Variants in DAB1 observed in about 807,000 individuals in gnomAD.
DAB1 encodes the protein disabled homolog 1.
DAB1 carries 15 observed loss-of-function variants against 64.6 expected under a neutral mutation model. The ratio of observed to expected loss-of-function variants is 0.23; its 90% CI spans 0.16 to 0.36. DAB1 has a LOEUF of 0.36. Ranked by LOEUF, DAB1 falls within the 10% of genes least tolerant of loss-of-function variation. The pLI, the probability that DAB1 is intolerant of heterozygous loss-of-function variation, is 1.00. For missense variants in DAB1, 596 were observed against 706.7 expected, an observed-to-expected ratio of 0.84 and a Z score of 1.78; for synonymous variants, 235 against 251.9, an observed-to-expected ratio of 0.93 and a Z score of 0.64.
intron 3 of DAB1, among the ~76,000 whole-genome samples, chr1:58,469,851 G>A (rs1645336772): frequency 6.6e-6 from 1 of 152,098 alleles, no homozygotes; most frequent in Non-Finnish European, 1.5e-5. Context: ...TGAGGTAGGA[G>A]GAAGGGAGGA....
chr1:58,234,929 T>A (rs1252473427), intron 4 of DAB1, among the ~76,000 whole-genome samples: 1 of 152,184 alleles, frequency 6.6e-6, no homozygotes, highest in Non-Finnish European at 1.5e-5. Context: ...GAAAGACAGG[T>A]ATTTATCTGG....
intron 4 of DAB1, among the ~76,000 whole-genome samples, chr1:58,295,560 A>G (rs1661949423): frequency 6.6e-6 from 1 of 152,148 alleles, no homozygotes; most frequent in Non-Finnish European, 1.5e-5. Flanking sequence ...AGCTCAAGCC[A>G]TATTTTTTCT....
At chr1:57,407,236 C>T (rs1003428844) in intron 1 of DAB1, among the ~76,000 whole-genome samples, 1 of 152,154 alleles carries the variant, frequency 6.6e-6, no homozygotes, top group Non-Finnish European at 1.5e-5. Context: ...GTCTCCTAAC[C>T]TGTGAAGACA....
At chr1:57,382,159 G>A (rs905454337) in intron 1 of DAB1, among the ~76,000 whole-genome samples, 10 of 152,136 alleles carry the variant, frequency 6.6e-5, no homozygotes, top group South Asian at 2.1e-4. Context: ...GAGATTTACC[G>A]TGTGCTGTTG....
intron 3 of DAB1, among the ~76,000 whole-genome samples, chr1:58,363,718 C>T (rs750188472): frequency 1.3e-5 from 2 of 152,234 alleles, no homozygotes; most frequent in Non-Finnish European, 2.9e-5. Context: ...AGGGGAAAGG[C>T]TGCCAGACAG....
intron 6 of DAB1, among the ~76,000 whole-genome samples, chr1:57,797,764 T>C (rs1650939816): frequency 6.6e-6 from 1 of 152,248 alleles, no homozygotes; most frequent in East Asian, 1.9e-4. Context: ...ACTTATCCTA[T>C]GTGGTTCTTA....
intron 1 of DAB1, among the ~76,000 whole-genome samples, chr1:57,336,278 G>A (rs6657926): frequency 0.11 from 17,104 of 152,108 alleles, 1,172 homozygotes; most frequent in African/African-American, 0.18. Context: ...TGGTAAACAC[G>A]ACTAATCCAA....
intron 4 of DAB1, among the ~76,000 whole-genome samples, chr1:57,110,005 T>C (rs1361615020): frequency 2.6e-5 from 4 of 152,156 alleles, no homozygotes; most frequent in Non-Finnish European, 4.4e-5. Context: ...GGCCTGAGAT[T>C]ACAAAAGGGG....
intron 1 of DAB1, 44 bp downstream of exon 1, chr1:57,423,886 G>C (rs980356692): frequency 2.0e-5 from 3 of 151,910 alleles, no homozygotes; most frequent in Admixed American, 6.5e-5. Flanking sequence ...GGGCACCTGC[G>C]GCGCTGAACT....
chr1:58,315,993 A>G (rs1662550575), intron 4 of DAB1, among the ~76,000 whole-genome samples: 3 of 152,230 alleles, frequency 2.0e-5, no homozygotes, highest in Admixed American at 1.3e-4. Flanking sequence ...CAAAGAGCCA[A>G]AGTTTGGAAT....
At chr1:57,443,522 C>T (rs1686028343) in intron 7 of DAB1, among the ~76,000 whole-genome samples, 1 of 152,202 alleles carries the variant, frequency 6.6e-6, no homozygotes, top group African/African-American at 2.4e-5. Context: ...CAAAGCCCAA[C>T]TTAAATGTAG....
chr1:58,509,370 A>G (rs184309535), intron 2 of DAB1, among the ~76,000 whole-genome samples: 3 of 152,122 alleles, frequency 2.0e-5, no homozygotes, highest in Admixed American at 2.0e-4. Context: ...ATTCTGAAGC[A>G]CACTCCTAAA....
intron 4 of DAB1, among the ~76,000 whole-genome samples, chr1:58,186,471 A>G (rs2100215305): frequency 6.6e-6 from 1 of 152,360 alleles, no homozygotes; most frequent in South Asian, 2.1e-4. Context: ...AGTGAAAGTA[A>G]CTAATAAACT....
At chr1:57,788,568 T>C (rs1353989399) in intron 6 of DAB1, among the ~76,000 whole-genome samples, 2 of 152,170 alleles carry the variant, frequency 1.3e-5, no homozygotes, top group Non-Finnish European at 2.9e-5. Flanking sequence ...AACCAACTTT[T>C]GTGGTGACAA....
chr1:57,553,473 A>G lies in DAB1; in HGVS notation n.625+96119T>C, dbSNP rs6587773. Among the ~76,000 whole-genome samples, 222 of 25,508 alleles carry G rather than the reference A, an allele frequency of 8.7e-3. 3 individuals carry two copies. Among genetic ancestry groups the G allele is most frequent in the Non-Finnish European group, 0.015 (74 of 4,824 alleles). The allele number at this position is 25,508 out of a possible 152,430, so 16.7% of individuals were successfully genotyped here. On this transcript the variant is annotated intron_variant and non_coding_transcript_variant, in intron 7 of 20. Transcript: ENST00000485760. ...GAAAGAAAGAAAGAGAAAGGGAAAG[A>G]AAGGAAGGAAGGAAGGAAGGAAGGA...
At chr1:58,131,433 C>T (rs1653563606) in intron 5 of DAB1, among the ~76,000 whole-genome samples, 2 of 145,876 alleles carry the variant, frequency 1.4e-5, no homozygotes, top group African/African-American at 5.0e-5. Context: ...GTAATTTGAT[C>T]GTCTGAAGCC....
chr1:57,890,664 A>G (rs1315384806), intron 5 of DAB1, among the ~76,000 whole-genome samples: 1 of 152,074 alleles, frequency 6.6e-6, no homozygotes, highest in Non-Finnish European at 1.5e-5. Flanking sequence ...TATGTTTCCC[A>G]GGCCAGTCCC....
At chr1:57,862,491 T>C (rs1654095433) in intron 1 of DAB1, 1 of 152,186 alleles carries the variant, frequency 6.6e-6, no homozygotes, top group Admixed American at 6.6e-5. Flanking sequence ...ACTGCTCCGC[T>C]TAGGGAACTT....
intron 6 of DAB1, among the ~76,000 whole-genome samples, chr1:57,756,273 T>C (rs181182792): frequency 1.2e-4 from 19 of 152,112 alleles, no homozygotes; most frequent in Admixed American, 1.2e-3. Context: ...ACAACTCAAC[T>C]TGCAAATTAA....
Sources: gnomAD v4.1 joint callset for allele counts (sites outside exome capture counted in the v4.1 genomes callset) on GRCh38, gnomAD v4.1.1 for gene constraint, MANE v1.5 for transcripts, NCBI Gene and HGNC (gene_info 2026-07-23, HGNC 2026-07-21) for gene names.